Variants in HECW1 observed in about 807,000 individuals in gnomAD.
HECW1 encodes the protein E3 ubiquitin-protein ligase HECW1.
Under a neutral mutation model 182.3 loss-of-function variants are expected in HECW1, and 61 were observed. That is an observed-to-expected ratio of 0.33 (90% CI 0.27 to 0.41). The LOEUF (loss-of-function observed/expected upper bound fraction) is 0.41. HECW1 is among the 10% of genes least tolerant of loss of function. The pLI is 1.00. For missense variants in HECW1, 1,739 were observed against 2,108.9 expected (o/e 0.82, Z 3.44); for synonymous variants, 859 against 832.6 (o/e 1.03, Z -0.55).
At chr7:43,306,062 A>AT in intron 3 of HECW1, among the ~76,000 whole-genome samples, 1 of 151,830 alleles carries the variant, frequency 6.6e-6, no homozygotes, top group Admixed American at 6.6e-5. Flanking sequence ...GCCCAGCCTA[A>AT]TTTTGTGTAT....
At chr7:43,240,886 G>A (rs1012528223) in intron 2 of HECW1, among the ~76,000 whole-genome samples, 1 of 152,178 alleles carries the variant, frequency 6.6e-6, no homozygotes. Context: ...TGTGCCACAA[G>A]GGTCTGCAGA....
chr7:43,559,555 A>G (rs1234088414), intron 29 of HECW1, among the ~76,000 whole-genome samples: 5 of 152,184 alleles, frequency 3.3e-5, no homozygotes, highest in Admixed American at 3.3e-4. Flanking sequence ...CACGCAGCAT[A>G]TATTATTATC....
At chr7:43,142,543 G>T (rs918160151) in intron 2 of HECW1, among the ~76,000 whole-genome samples, 1 of 152,162 alleles carries the variant, frequency 6.6e-6, no homozygotes, top group East Asian at 1.9e-4. Context: ...CCAACGTCCT[G>T]CTAGGTTTCA....
At chr7:43,400,627 G>T (rs1357350551) in intron 7 of HECW1, among the ~76,000 whole-genome samples, 1 of 152,174 alleles carries the variant, frequency 6.6e-6, no homozygotes, top group African/African-American at 2.4e-5. Context: ...GAAGTGCAGA[G>T]CATATTAAAT....
intron 3 of HECW1, chr7:43,274,693 A>G (rs569216224): frequency 5.1e-4 from 132 of 258,846 alleles, no homozygotes; most frequent in Admixed American, 1.0e-3. Flanking sequence ...AAATCCTATT[A>G]CAAAAATAGA....
intron 2 of HECW1, among the ~76,000 whole-genome samples, chr7:43,186,668 CAAAAAA>C (rs112678392): frequency 1.1e-5 from 1 of 93,564 alleles, no homozygotes; most frequent in African/African-American, 3.8e-5. Context: ...GACTCCGTCT[CAAAAAA>C]AAAAAAAAAA....
intron 2 of HECW1, among the ~76,000 whole-genome samples, chr7:43,225,192 G>A (rs1368781833): frequency 6.6e-6 from 1 of 152,176 alleles, no homozygotes; most frequent in East Asian, 1.9e-4. Flanking sequence ...GTTTTTCATG[G>A]TTGAAGCCAT....
intron 5 of HECW1, among the ~76,000 whole-genome samples, chr7:43,353,167 A>C (rs978092900): frequency 9.2e-5 from 14 of 152,082 alleles, no homozygotes; most frequent in African/African-American, 3.4e-4. Flanking sequence ...ATATATATAT[A>C]TTATTGATGC....
chr7:43,516,165 G>A (rs559205819), intron 24 of HECW1, among the ~76,000 whole-genome samples: 4 of 152,124 alleles, frequency 2.6e-5, no homozygotes, highest in South Asian at 2.1e-4. Flanking sequence ...GTTTCTTCCC[G>A]AAAATGTAAG....
intron 5 of HECW1, among the ~76,000 whole-genome samples, chr7:43,340,101 C>T (rs1282672936): frequency 6.6e-6 from 1 of 151,966 alleles, no homozygotes; most frequent in Non-Finnish European, 1.5e-5. Flanking sequence ...GATTCCACTG[C>T]TCTGCAGTGC....
chr7:43,296,832 CT>C (rs1389333820), intron 3 of HECW1, among the ~76,000 whole-genome samples: 1 of 152,214 alleles, frequency 6.6e-6, no homozygotes, highest in African/African-American at 2.4e-5. Context: ...AAACATCCCC[CT>C]TCTGTGTCCT....
intron 14 of HECW1, among the ~76,000 whole-genome samples, chr7:43,466,168 A>AGAAG (rs1402114005): frequency 1.3e-5 from 2 of 150,028 alleles, no homozygotes; most frequent in Non-Finnish European, 3.0e-5. Context: ...AAGGAAGGAA[A>AGAAG]GAAGGAAGGA....
At position 43,351,411 on chromosome 7, in the gene HECW1, C is replaced by T. The variant is rs146829445; in HGVS notation, c.461-9475C>T. ...AGTATGCAGAGGGACCAGTGGTGGG[C>T]GATGCCTTAGAACTCTCAAGATTAT... On this transcript the variant is annotated intron_variant, in intron 5 of 29. Coordinates refer to ENST00000395891, the MANE Select transcript of HECW1 (RefSeq NM_015052.5). Among the ~76,000 whole-genome samples, 419 of 152,148 alleles carry T rather than the reference C, an allele frequency of 2.8e-3. 5 individuals carry two copies. Among genetic ancestry groups the T allele is most frequent in the African/African-American group, 9.3e-3 (385 of 41,520 alleles).
chr7:43,328,508 G>A (rs1210320474), intron 5 of HECW1, among the ~76,000 whole-genome samples: 6 of 152,196 alleles, frequency 3.9e-5, no homozygotes, highest in Admixed American at 2.6e-4. Context: ...GACTGAACAC[G>A]GCCAATGAGA....
intron 19 of HECW1, 122 bp downstream of exon 19, chr7:43,493,302 AGAAC>A: frequency 1.6e-6 from 1 of 611,380 alleles, no homozygotes; most frequent in Non-Finnish European, 2.8e-6. Context: ...CATTTAAATG[AGAAC>A]TTGAATCCTC....
chr7:43,279,235 T>G (rs1803577643), intron 3 of HECW1, among the ~76,000 whole-genome samples: 1 of 152,238 alleles, frequency 6.6e-6, no homozygotes. Flanking sequence ...AAGTTTTATT[T>G]TTATGAACTA....
At chr7:43,371,368 G>T (rs1351947597) in intron 6 of HECW1, among the ~76,000 whole-genome samples, 1 of 152,128 alleles carries the variant, frequency 6.6e-6, no homozygotes, top group Non-Finnish European at 1.5e-5. Context: ...GTGGAACGTT[G>T]GTAGTTGGGG....
chr7:43,357,714 T>A (rs915787016), intron 5 of HECW1, among the ~76,000 whole-genome samples: 1 of 151,680 alleles, frequency 6.6e-6, no homozygotes, highest in Non-Finnish European at 1.5e-5. Flanking sequence ...TGTTTTTATA[T>A]ATTTATATGT....
chr7:43,467,136 T>A (rs534415198), intron 15 of HECW1, among the ~76,000 whole-genome samples: 1 of 150,506 alleles, frequency 6.6e-6, no homozygotes, highest in African/African-American at 2.5e-5. Flanking sequence ...CAGGCTCAGA[T>A]CTAGGTGCTG....
Sources: allele counts gnomAD v4.1 joint callset (sites outside exome capture counted in the v4.1 genomes callset), GRCh38; gene constraint gnomAD v4.1.1; transcripts MANE v1.5; gene names NCBI Gene and HGNC (gene_info 2026-07-23, HGNC 2026-07-21).